CDKL3: variants seen among roughly 807,000 people sequenced by gnomAD.
CDKL3 encodes cyclin dependent kinase like 3, also known as cyclin-dependent kinase-like 3.
CDKL3 carries 65 observed loss-of-function variants against 69.3 expected under a neutral mutation model. The observed-to-expected ratio is 0.94, with a 90% CI of 0.77 to 1.15. The LOEUF (loss-of-function observed/expected upper bound fraction) is 1.15. Among genes scored for constraint, CDKL3 ranks in the 50% most tolerant of loss-of-function variants. The probability of loss-of-function intolerance (pLI) is 0.00; values close to 1 mark genes in which losing one functional copy is unlikely to be tolerated. For synonymous variants in CDKL3, 202 were observed against 221.6 expected (o/e 0.91, Z 0.79); for missense variants, 652 against 689.2 (o/e 0.95, Z 0.61).
upstream of CDKL3, chr5:134,367,214 G>A (rs958534095): frequency 1.7e-5 from 17 of 985,812 alleles, no homozygotes; most frequent in African/African-American, 8.7e-5. Context: ...GTCCCGACCC[G>A]GAAGGGGAAG....
chr5:134,349,079 T>C (rs1442128323), intron 4 of CDKL3, among the ~76,000 whole-genome samples: 1 of 152,200 alleles, frequency 6.6e-6, no homozygotes, highest in African/African-American at 2.4e-5. Flanking sequence ...CTCTGTGTCT[T>C]AGTGTTCTAC....
intron 6 of CDKL3, among the ~76,000 whole-genome samples, chr5:134,313,047 T>C (rs1770002770): frequency 6.6e-6 from 1 of 152,234 alleles, no homozygotes; most frequent in Admixed American, 6.5e-5. Context: ...AAGCATCTGC[T>C]TTATAATTTT....
intron 4 of CDKL3, among the ~76,000 whole-genome samples, chr5:134,347,038 C>T (rs1324079230): frequency 6.6e-6 from 1 of 151,856 alleles, no homozygotes; most frequent in African/African-American, 2.4e-5. Context: ...TAAAAGTATT[C>T]AAGTAATAAA....
chr5:134,343,879 G>A (rs1292151915), intron 4 of CDKL3, among the ~76,000 whole-genome samples: 2 of 152,150 alleles, frequency 1.3e-5, no homozygotes, highest in Non-Finnish European at 2.9e-5. Context: ...TAAAACTCCA[G>A]TCTCCTGCAC....
At chr5:134,349,451 G>A (rs1031854329) in intron 4 of CDKL3, among the ~76,000 whole-genome samples, 2 of 152,074 alleles carry the variant, frequency 1.3e-5, no homozygotes, top group Admixed American at 1.3e-4. Context: ...CACCACGCCT[G>A]GCTAAATTTT....
At chr5:134,298,279 C>A (rs1765496108), downstream of CDKL3, 2 of 998,940 alleles carry the variant, frequency 2.0e-6, no homozygotes, top group Non-Finnish European at 2.4e-6. Flanking sequence ...ATTAAGAACT[C>A]ATTTAAAGAG....
intron 8 of CDKL3, among the ~76,000 whole-genome samples, chr5:134,292,898 A>G (rs1765179559): frequency 6.6e-6 from 1 of 152,004 alleles, no homozygotes; most frequent in Non-Finnish European, 1.5e-5. Flanking sequence ...GGAAGAAAAG[A>G]AAATCTGAAT....
At chr5:134,369,147 T>A (rs1376867270), upstream of CDKL3, among the ~76,000 whole-genome samples, 1 of 152,212 alleles carries the variant, frequency 6.6e-6, no homozygotes, top group African/African-American at 2.4e-5. Context: ...TTAAAATTAT[T>A]CCTTCTACAA....
intron 5 of CDKL3, among the ~76,000 whole-genome samples, chr5:134,321,111 C>T (rs533626510): frequency 1.8e-4 from 27 of 147,486 alleles, no homozygotes; most frequent in African/African-American, 6.8e-4. Flanking sequence ...TGGGTTCAAG[C>T]AGTTCTCATG....
chr5:134,371,218 C>T (rs1033093498), upstream of CDKL3: 1 of 295,546 alleles, frequency 3.4e-6, no homozygotes, highest in Non-Finnish European at 6.4e-6. Context: ...AAACTAGTGA[C>T]GGGGAGGGAG....
At position 134,299,399 on chromosome 5, in the gene CDKL3, T is replaced by C. The variant is rs543098971; in HGVS notation, c.1720-689A>G. The stretch of plus-strand genomic sequence containing the variant: ...AAGAATGACCACTCATCAAGTATGA[T>C]TGAAATAATAGGTGATCAAATAAAA... On this transcript the variant is annotated intron_variant, in intron 12 of 12. Transcript: ENST00000265334. 1.0e-4 allele frequency: 74 copies of C among 737,360 alleles called. No individual in the cohort carries two copies. The South Asian group carries it at 1.1e-3, about 11-fold the overall frequency. The allele number at this position is 737,360 out of a possible 1,614,324, so 45.7% of individuals were successfully genotyped here. A position where few individuals can be genotyped will look rare whatever the true frequency, so the allele number is the denominator to read the frequency against.
At chr5:134,338,883 G>C (rs1383482014) in intron 4 of CDKL3, among the ~76,000 whole-genome samples, 1 of 152,164 alleles carries the variant, frequency 6.6e-6, no homozygotes, top group African/African-American at 2.4e-5. Context: ...GTCGGGCACG[G>C]TGGCTCACAC....
chr5:134,308,653 G>A lies in CDKL3; in HGVS notation c.956C>T (p.Ser319Phe). The change falls in exon 8 of 13, where the codon TCT (serine) becomes TTT (phenylalanine). Residue 319 changes from serine (S) to phenylalanine (F), a missense_variant. Physicochemically the swap from Ser to Phe is radical, Grantham distance 155 (BLOSUM62 -2). Transcript: ENST00000265334. The stretch of plus-strand genomic sequence containing the variant: ...ATCTTTCCTGAGTTCATTTTCTTTA[G>A]AACTCTCTTTTGGCTTTATTAATGA... ...VNSLIKPKES[S>F]KENELRKDER... The A allele has an allele frequency of 6.2e-7, 1 of 1,610,266 alleles. No individual in the cohort carries two copies. Among genetic ancestry groups the A allele is most frequent in the South Asian group, 1.1e-5 (1 of 90,218 alleles).
intron 4 of CDKL3, among the ~76,000 whole-genome samples, chr5:134,329,440 T>A (rs1330186592): frequency 6.6e-6 from 1 of 151,756 alleles, no homozygotes; most frequent in Non-Finnish European, 1.5e-5. Context: ...CTTCTTCTGT[T>A]AATTAATTTA....
At chr5:134,287,841 T>C (rs1764936456) in intron 8 of CDKL3, among the ~76,000 whole-genome samples, 1 of 152,100 alleles carries the variant, frequency 6.6e-6, no homozygotes. Flanking sequence ...TCTGCCTAAA[T>C]TAACCAGTAA....
At chr5:134,305,963 T>C (rs1473383126) in intron 10 of CDKL3, among the ~76,000 whole-genome samples, 1 of 152,164 alleles carries the variant, frequency 6.6e-6, no homozygotes, top group African/African-American at 2.4e-5. Context: ...TTTTAATCCA[T>C]AAAGATATTA....
At chr5:134,371,515 GAT>G, upstream of CDKL3, 1 of 1,540,418 alleles carries the variant, frequency 6.5e-7, no homozygotes, top group East Asian at 2.4e-5. Flanking sequence ...GATCCACAGT[GAT>G]TCGGCCGCCG....
chr5:134,293,022 T>C (rs1328371229), intron 8 of CDKL3, among the ~76,000 whole-genome samples: 6 of 134,214 alleles, frequency 4.5e-5, no homozygotes, highest in South Asian at 5.1e-4. Flanking sequence ...TTTTTTTTTT[T>C]TTTTTTTTTT....
intron 4 of CDKL3, among the ~76,000 whole-genome samples, chr5:134,341,262 A>G (rs1312330775): frequency 1.3e-5 from 2 of 152,208 alleles, no homozygotes; most frequent in Non-Finnish European, 2.9e-5. Context: ...TTTCCCGATA[A>G]GATTAGGAAC....
Sources: allele counts gnomAD v4.1 joint callset (sites outside exome capture counted in the v4.1 genomes callset), GRCh38; gene constraint gnomAD v4.1.1; transcripts MANE v1.5; gene names NCBI Gene and HGNC (gene_info 2026-07-23, HGNC 2026-07-21).